Variants in PRDM2 observed in about 807,000 individuals in gnomAD.
PRDM2 encodes the protein PR/SET domain 2.
In PRDM2, 30 loss-of-function variants were observed where a neutral mutation model predicts 130.0. The ratio of observed to expected loss-of-function variants is 0.23; its 90% CI spans 0.17 to 0.31. PRDM2 has a LOEUF of 0.31. PRDM2 is among the 10% of genes least tolerant of loss of function. The probability of loss-of-function intolerance (pLI) is 1.00; values close to 1 mark genes in which losing one functional copy is unlikely to be tolerated. For synonymous variants in PRDM2, 871 were observed against 782.4 expected, an observed-to-expected ratio of 1.11 and a Z score of -1.89; for missense variants, 2,011 against 2,108.4, an observed-to-expected ratio of 0.95 and a Z score of 0.90.
chr1:13,758,340 G>T (rs537768298), intron 6 of PRDM2, among the ~76,000 whole-genome samples: 1 of 151,634 alleles, frequency 6.6e-6, no homozygotes, highest in Admixed American at 6.6e-5. Context: ...CTAGCTACTC[G>T]GGAGGCTGAG....
chr1:13,736,014 A>G (rs957240188), intron 4 of PRDM2, among the ~76,000 whole-genome samples: 1 of 152,132 alleles, frequency 6.6e-6, no homozygotes, highest in Non-Finnish European at 1.5e-5. Flanking sequence ...TTCAATTGAG[A>G]TCAAACAGCA....
At chr1:13,808,031 A>G (rs939903839) in intron 8 of PRDM2, among the ~76,000 whole-genome samples, 3 of 152,106 alleles carry the variant, frequency 2.0e-5, no homozygotes, top group African/African-American at 7.2e-5. Flanking sequence ...TTTCCCTCCT[A>G]GAGTAGGCAG....
At chr1:13,710,271 A>T (rs1205576063) in intron 1 of PRDM2, among the ~76,000 whole-genome samples, 2 of 152,218 alleles carry the variant, frequency 1.3e-5, no homozygotes, top group African/African-American at 4.8e-5. Flanking sequence ...GGGCTGTCCC[A>T]CATGTGTCTA....
intron 8 of PRDM2, among the ~76,000 whole-genome samples, chr1:13,813,488 G>C (rs1171103446): frequency 6.6e-6 from 1 of 152,178 alleles, no homozygotes; most frequent in Non-Finnish European, 1.5e-5. Flanking sequence ...TCAAAATGGT[G>C]GCCTAAGGAG....
At chr1:13,763,802 T>G (rs1644160283) in intron 6 of PRDM2, among the ~76,000 whole-genome samples, 1 of 152,226 alleles carries the variant, frequency 6.6e-6, no homozygotes, top group Non-Finnish European at 1.5e-5. Flanking sequence ...AGAAATATCA[T>G]ACCCTTATCA....
rs1644921305 is a variant in PRDM2, at chr1:13,796,295, A to T, written c.5036+13464A>T. 4.6e-5 allele frequency among the ~76,000 whole-genome samples: 7 copies of T among 152,252 alleles called. No individual in the cohort carries two copies. In the South Asian group the frequency reaches 1.5e-3, roughly 32 times the overall value. On this transcript the variant is annotated intron_variant, in intron 8 of 9. Transcript: ENST00000311066. ...GTCTGTACTTCCTGGCATCCTTCAG[A>T]TATGCTTCTGTTAATTGTGGGCTGG...
chr1:13,734,301 A>G (rs150559730), intron 4 of PRDM2, among the ~76,000 whole-genome samples: 13 of 152,326 alleles, frequency 8.5e-5, no homozygotes, highest in Admixed American at 1.3e-4. Context: ...AATAAACTGC[A>G]TTTTTAATTT....
At chr1:13,757,778 C>CTTTTTTTTTTTT (rs34501705) in intron 6 of PRDM2, among the ~76,000 whole-genome samples, 3 of 105,908 alleles carry the variant, frequency 2.8e-5, no homozygotes, top group Admixed American at 9.4e-5. Flanking sequence ...AGGTGGATAG[C>CTTTTTTTTTTTT]TTTTTTTTTT....
intron 8 of PRDM2, chr1:13,786,436 T>C (rs1489385213): frequency 6.4e-7 from 1 of 1,552,518 alleles, no homozygotes; most frequent in East Asian, 2.2e-5. Flanking sequence ...TTACGGTCTA[T>C]TCACCTTTTT....
chr1:13,764,064 A>G (rs574886192), intron 6 of PRDM2, among the ~76,000 whole-genome samples: 1 of 152,220 alleles, frequency 6.6e-6, no homozygotes, highest in African/African-American at 2.4e-5. Flanking sequence ...TAGTTAATTC[A>G]TCAGGATGCA....
intron 1 of PRDM2, among the ~76,000 whole-genome samples, chr1:13,700,891 T>C (rs1007295791): frequency 2.4e-4 from 36 of 152,196 alleles, no homozygotes; most frequent in Admixed American, 2.6e-4. Context: ...CGCGCGTGTG[T>C]GTGTGTTACA....
At chr1:13,715,072 ACTC>A (rs1642490321) in intron 1 of PRDM2, among the ~76,000 whole-genome samples, 1 of 152,106 alleles carries the variant, frequency 6.6e-6, no homozygotes, top group Non-Finnish European at 1.5e-5. Flanking sequence ...CTCAGAGAGA[ACTC>A]CTGGTGGCCA....
Position 13,760,889 on chromosome 1 carries a change from G to A in PRDM2, c.511+11402G>A, listed in dbSNP as rs1049946882. The stretch of plus-strand genomic sequence containing the variant: ...AAAAAATGAGCAGTTTCACCATCTT[G>A]TGTAACAAGTTCTCTTAAAATCCAT... On this transcript the variant is annotated intron_variant, in intron 6 of 9. Coordinates refer to ENST00000311066, the MANE Select transcript of PRDM2 (RefSeq NM_001393986.1). Among the ~76,000 whole-genome samples, 5 of 151,964 alleles carry A rather than the reference G, an allele frequency of 3.3e-5. No individual in the cohort carries two copies. The South Asian group carries it at 6.2e-4, about 19-fold the overall frequency.
In PRDM2 at chr1:13,779,849, T is replaced by C; in HGVS notation, c.2054T>C (p.Val685Ala). 1 of 1,614,124 alleles carries C rather than the reference T, an allele frequency of 6.2e-7. No homozygotes were observed. The change falls in exon 8 of 10, where the codon GTT becomes GCT. Residue 685 changes from valine (V) to alanine (A), a missense_variant. This residue lies in a region of PRDM2 where 1,288 missense variants were observed against 1,237.7 expected (regional missense o/e 1.04). Transcript: ENST00000311066. This position sits in a 1 kb window ranked among gnomAD's most constrained non-coding sequence, Gnocchi z 4.9. Reference sequence around the variant, plus strand: ...GTGTCTTTCCACAAAGAGAAAAGTGTTTATTTGTCATCAAAGCTCAAACAA... The same window carrying C: ...GTGTCTTTCCACAAAGAGAAAAGTGCTTATTTGTCATCAAAGCTCAAACAA... Reference protein sequence around the residue: ...EAVSFHKEKSVYLSSKLKQLL... With the variant: ...EAVSFHKEKSAYLSSKLKQLL...
intron 2 of PRDM2, 128 bp downstream of exon 2, chr1:13,715,742 A>G (rs1325771832): frequency 1.3e-6 from 1 of 796,716 alleles, no homozygotes; most frequent in African/African-American, 1.8e-5. Context: ...TAATACCATT[A>G]ATTAGTTCAT....
chr1:13,701,521 T>C (rs1193094493), intron 1 of PRDM2, among the ~76,000 whole-genome samples: 2 of 152,182 alleles, frequency 1.3e-5, no homozygotes, highest in South Asian at 2.1e-4. Flanking sequence ...AGACACACTG[T>C]CATACGTTCT....
chr1:13,788,844 G>A (rs1295383109), intron 8 of PRDM2, among the ~76,000 whole-genome samples: 1 of 152,150 alleles, frequency 6.6e-6, no homozygotes. Flanking sequence ...TTCAGTAAAC[G>A]GGCCTCCAAC....
intron 8 of PRDM2, among the ~76,000 whole-genome samples, chr1:13,795,099 T>C (rs1030805498): frequency 6.6e-6 from 1 of 152,250 alleles, no homozygotes; most frequent in African/African-American, 2.4e-5. Flanking sequence ...TGTAACTTTC[T>C]ATTTCTTTTG....
At chr1:13,701,792 G>A (rs1295173616) in intron 1 of PRDM2, among the ~76,000 whole-genome samples, 1 of 152,178 alleles carries the variant, frequency 6.6e-6, no homozygotes, top group South Asian at 2.1e-4. Flanking sequence ...TGGTTTGATT[G>A]AAATAAGTTA....
Sources: gnomAD v4.1 joint callset for allele counts (sites outside exome capture counted in the v4.1 genomes callset) on GRCh38, gnomAD v4.1.1 for gene constraint, gnomAD v4.1.1 regional missense constraint, Gnocchi (gnomAD v3.1) non-coding constraint, MANE v1.5 for transcripts, NCBI Gene and HGNC (gene_info 2026-07-23, HGNC 2026-07-21) for gene names.